COL19A1: variants seen among roughly 807,000 people sequenced by gnomAD.
COL19A1 encodes collagen type XIX alpha 1 chain.
COL19A1 carries 159 observed loss-of-function variants against 190.2 expected under a neutral mutation model. That is an observed-to-expected ratio of 0.84 (90% CI 0.73 to 0.95). The LOEUF is 0.95. Among genes scored for constraint, COL19A1 ranks in the 40% least tolerant of loss-of-function variants. The pLI, the probability that COL19A1 is intolerant of heterozygous loss-of-function variation, is 0.00. For synonymous variants in COL19A1, 509 were observed against 458.9 expected (o/e 1.11, Z -1.39); for missense variants, 1,418 against 1,431.9 (o/e 0.99, Z 0.16).
rs192454378 is a variant in COL19A1 at position 70,142,641 on chromosome 6, T to C, written c.1573-126T>C. The stretch of plus-strand genomic sequence containing the variant: ...GTATTATACAGATAAAGTGGGAAAG[T>C]GGGATGGTGGAAAGTTGGTCTTCCT... On this transcript the variant is annotated intron_variant, in intron 22 of 50. Coordinates refer to ENST00000620364, the MANE Select transcript of COL19A1 (RefSeq NM_001858.6). The C allele has an allele frequency of 7.1e-4, 500 of 700,650 alleles. 2 individuals carry two copies. The African/African-American group carries it at 7.9e-3, about 11-fold the overall frequency. 43.4% of individuals were successfully genotyped at this position (700,650 alleles called of 1,614,324 possible).
At chr6:69,889,545 T>G (rs1769184393) in intron 2 of COL19A1, among the ~76,000 whole-genome samples, 1 of 151,016 alleles carries the variant, frequency 6.6e-6, no homozygotes, top group African/African-American at 2.4e-5. Flanking sequence ...TGCACTAATC[T>G]GCGCTCTATG....
chr6:69,870,875 C>T (rs886662287), intron 1 of COL19A1, among the ~76,000 whole-genome samples: 1 of 152,118 alleles, frequency 6.6e-6, no homozygotes, highest in Non-Finnish European at 1.5e-5. Context: ...ATTCAAAAGA[C>T]GTTTACAAAT....
At chr6:70,182,448 C>G (rs1766234450) in intron 44 of COL19A1, among the ~76,000 whole-genome samples, 1 of 152,156 alleles carries the variant, frequency 6.6e-6, no homozygotes, top group African/African-American at 2.4e-5. Context: ...GTCAAGTACA[C>G]AGTGGAGACT....
chr6:69,877,286 C>T (rs1768186740), intron 1 of COL19A1, among the ~76,000 whole-genome samples: 1 of 152,088 alleles, frequency 6.6e-6, no homozygotes, highest in Admixed American at 6.5e-5. Context: ...AGTTGCTTCA[C>T]TAAAAAAATT....
At chr6:70,074,334 A>C (rs1781736679) in intron 15 of COL19A1, among the ~76,000 whole-genome samples, 1 of 151,996 alleles carries the variant, frequency 6.6e-6, no homozygotes, top group Non-Finnish European at 1.5e-5. Flanking sequence ...CCCTGTCTCT[A>C]CTAAAAATAC....
At chr6:69,995,964 A>G (rs983174075) in intron 11 of COL19A1, among the ~76,000 whole-genome samples, 1 of 152,320 alleles carries the variant, frequency 6.6e-6, no homozygotes, top group Non-Finnish European at 1.5e-5. Context: ...AATTTGTGAC[A>G]TAGCAAGTAG....
chr6:70,068,442 G>A lies in COL19A1; in HGVS notation c.1190G>A (p.Gly397Asp), dbSNP rs1781372614. The part of the protein sequence containing the change: ...PALPGSLGIQ[G>D]PQGPPGKEGQ... Reference sequence around the variant, plus strand: ...TCATAGGGTTCCCTGGGGATACAAGGCCCCCAAGGTCCACCTGGAAAAGAG... The same window carrying A: ...TCATAGGGTTCCCTGGGGATACAAGACCCCCAAGGTCCACCTGGAAAAGAG... Residue 397 changes from glycine to aspartate, a missense_variant, in exon 15 of 51, where the codon GGC becomes GAC. Transcript: ENST00000620364. 6.2e-7 allele frequency: 1 copy of A among 1,600,300 alleles called. No individual in the cohort carries two copies. The highest frequency in any genetic ancestry group is 1.3e-5 in the African/African-American group (1 of 74,558).
At chr6:69,899,807 G>GT (rs1413126514) in intron 3 of COL19A1, among the ~76,000 whole-genome samples, 1 of 151,928 alleles carries the variant, frequency 6.6e-6, no homozygotes, top group African/African-American at 2.4e-5. Context: ...TACATTTCAT[G>GT]TGTATGCATT....
intron 4 of COL19A1, among the ~76,000 whole-genome samples, chr6:69,906,770 A>G (rs888293318): frequency 6.6e-6 from 1 of 152,152 alleles, no homozygotes; most frequent in Admixed American, 6.5e-5. Context: ...TGTCTACTTT[A>G]TGAAAGTAAA....
intron 16 of COL19A1, among the ~76,000 whole-genome samples, chr6:70,105,271 C>G (rs2150191789): frequency 6.6e-6 from 1 of 152,244 alleles, no homozygotes; most frequent in South Asian, 2.1e-4. Flanking sequence ...AATTCTCCAG[C>G]CTCAGCCTCC....
At chr6:70,091,519 A>G (rs1266338248) in intron 15 of COL19A1, among the ~76,000 whole-genome samples, 1 of 150,890 alleles carries the variant, frequency 6.6e-6, no homozygotes, top group African/African-American at 2.4e-5. Flanking sequence ...TGGGGAAAAT[A>G]TCTTATAAAA....
chr6:69,962,024 A>G (rs1157986299), intron 10 of COL19A1, among the ~76,000 whole-genome samples: 1 of 152,096 alleles, frequency 6.6e-6, no homozygotes, highest in East Asian at 1.9e-4. Context: ...AATGCTTCTT[A>G]TGCTCCAGGC....
At chr6:69,982,800 G>A (rs879824844) in intron 11 of COL19A1, among the ~76,000 whole-genome samples, 2 of 150,050 alleles carry the variant, frequency 1.3e-5, no homozygotes, top group East Asian at 2.0e-4. Context: ...GTGAAACCCC[G>A]TCTCTACTAA....
chr6:70,096,830 G>A lies in COL19A1; in HGVS notation c.1225-5339G>A, dbSNP rs568214143. Among the ~76,000 whole-genome samples the A allele has an allele frequency of 2.0e-5, 3 of 152,264 alleles. No homozygotes were observed. The East Asian group carries it at 5.8e-4, about 29-fold the overall frequency. On this transcript the variant is annotated intron_variant, in intron 15 of 50. Coordinates refer to ENST00000620364, the MANE Select transcript of COL19A1 (RefSeq NM_001858.6). ...GCATTACTGCAAACTTGGTAGAAAT[G>A]CAGATTCTCAGATCTCACCCCAGAC...
At chr6:70,103,469 C>T (rs995126807) in intron 16 of COL19A1, among the ~76,000 whole-genome samples, 31 of 152,232 alleles carry the variant, frequency 2.0e-4, no homozygotes, top group African/African-American at 6.7e-4. Flanking sequence ...ATTCCTCAAT[C>T]GCTTCTTTTT....
chr6:70,124,611 G>A (rs778881974), intron 17 of COL19A1, among the ~76,000 whole-genome samples: 1 of 150,590 alleles, frequency 6.6e-6, no homozygotes, highest in Non-Finnish European at 1.5e-5. Context: ...AATCTTGCTA[G>A]TAACAAACCA....
chr6:69,940,631 A>G (rs1215438668), intron 9 of COL19A1, among the ~76,000 whole-genome samples: 2 of 152,198 alleles, frequency 1.3e-5, no homozygotes, highest in African/African-American at 4.8e-5. Flanking sequence ...ATGATAATTC[A>G]TAATGGCAAG....
intron 11 of COL19A1, among the ~76,000 whole-genome samples, chr6:69,966,648 C>T (rs905585151): frequency 3.9e-5 from 6 of 152,110 alleles, no homozygotes; most frequent in Non-Finnish European, 8.8e-5. Flanking sequence ...CAGCAGGGCC[C>T]TCTGCCTAGG....
At chr6:69,982,402 G>A (rs368994913) in intron 11 of COL19A1, among the ~76,000 whole-genome samples, 1 of 151,616 alleles carries the variant, frequency 6.6e-6, no homozygotes, top group East Asian at 2.0e-4. Context: ...CGCCACACCC[G>A]ACTAATTTTT....
Sources: allele counts gnomAD v4.1 joint callset (sites outside exome capture counted in the v4.1 genomes callset), GRCh38; gene constraint gnomAD v4.1.1; transcripts MANE v1.5; gene names NCBI Gene and HGNC (gene_info 2026-07-23, HGNC 2026-07-21).